The following KIF3A variants were observed in gnomAD, a reference collection of about 807,000 sequenced individuals.
KIF3A encodes kinesin family member 3A, also known as kinesin-like protein KIF3A.
Under a neutral mutation model 92.6 loss-of-function variants are expected in KIF3A, and 27 were observed. The observed-to-expected ratio is 0.29, with a 90% CI of 0.21 to 0.40. The LOEUF is 0.40. KIF3A is among the 10% of genes least tolerant of loss of function. KIF3A has a pLI of 1.00. For missense variants in KIF3A, 581 were observed against 872.6 expected, an observed-to-expected ratio of 0.67 and a Z score of 4.21; for synonymous variants, 250 against 275.4, an observed-to-expected ratio of 0.91 and a Z score of 0.92.
chr5:132,710,391 T>G (rs751397813), intron 9 of KIF3A, among the ~76,000 whole-genome samples: 1 of 152,078 alleles, frequency 6.6e-6, no homozygotes, highest in Non-Finnish European at 1.5e-5. Flanking sequence ...CCGAGGCAGA[T>G]GGATCATGAG....
intron 2 of KIF3A, among the ~76,000 whole-genome samples, chr5:132,730,368 A>C (rs747247791): frequency 6.6e-6 from 1 of 152,040 alleles, no homozygotes; most frequent in Non-Finnish European, 1.5e-5. Flanking sequence ...CAGGTGGCTG[A>C]GGCGAGAGAA....
chr5:132,698,611 T>C (rs1752917001), intron 18 of KIF3A, among the ~76,000 whole-genome samples: 1 of 152,160 alleles, frequency 6.6e-6, no homozygotes, highest in Non-Finnish European at 1.5e-5. Context: ...CATTATACAT[T>C]TGGAAATAAC....
At chr5:132,701,836 A>G (rs1031454794) in intron 15 of KIF3A, among the ~76,000 whole-genome samples, 5 of 152,068 alleles carry the variant, frequency 3.3e-5, no homozygotes, top group Non-Finnish European at 7.4e-5. Context: ...ATGGGCGCTG[A>G]ATGAAGGAAT....
chr5:132,695,780 C>A lies in KIF3A; in HGVS notation c.*854G>T, dbSNP rs1385201076. 3 of 152,184 alleles carry A rather than the reference C, an allele frequency of 2.0e-5. No individual in the cohort carries two copies. The highest frequency in any genetic ancestry group is 7.2e-5 in the African/African-American group (3 of 41,390). 9.4% of individuals were successfully genotyped at this position (152,184 alleles called of 1,614,324 possible). ...CTGGGAGACATAAAGTAATTCCCAC[C>A]AAAATTTAGAACTCAAAGAAAAGCA... On this transcript the variant is annotated 3_prime_UTR_variant, in exon 19 of 19. Transcript: ENST00000403231.
At chr5:132,698,841 G>A (rs1209949576) in intron 18 of KIF3A, among the ~76,000 whole-genome samples, 1 of 148,902 alleles carries the variant, frequency 6.7e-6, no homozygotes, top group East Asian at 2.0e-4. Context: ...GGGTTCAAGC[G>A]ATTCTCATGC....
intron 4 of KIF3A, chr5:132,723,831 G>T (rs1186220275): frequency 6.6e-6 from 1 of 152,142 alleles, no homozygotes; most frequent in Non-Finnish European, 1.5e-5. Context: ...CTTCTGCACA[G>T]CAAAAGAAAC....
intron 11 of KIF3A, among the ~76,000 whole-genome samples, chr5:132,705,244 A>G (rs1231887452): frequency 6.6e-6 from 1 of 152,020 alleles, no homozygotes; most frequent in African/African-American, 2.4e-5. Context: ...GGAGAAAAGT[A>G]TCAGTTCAGG....
rs1753075885 is a variant in KIF3A, at chr5:132,702,565, T to G, written c.1751A>C (p.Lys584Thr). The G allele has an allele frequency of 6.3e-7, 1 of 1,597,708 alleles. No individual in the cohort carries two copies. The highest frequency in any genetic ancestry group is 1.3e-5 in the African/African-American group (1 of 74,380). The part of the protein sequence containing the change: ...KKVWTMLMAA[K>T]SEMADLQQEH... ...ATTTCTAAGAGAACCAACCTCTGACTTTGCAGCCATCAGCATAGTCCAAAC... is the reference window on the plus strand; with the variant it reads ...ATTTCTAAGAGAACCAACCTCTGACGTTGCAGCCATCAGCATAGTCCAAAC... Residue 584 changes from lysine (K) to threonine (T), a missense_variant, in exon 14 of 19, where the codon AAG becomes ACG. Lys to Thr is a moderately conservative substitution (Grantham distance 78). Transcript: ENST00000403231.
At chr5:132,698,552 A>G (rs1752914758) in intron 18 of KIF3A, among the ~76,000 whole-genome samples, 1 of 152,178 alleles carries the variant, frequency 6.6e-6, no homozygotes. Flanking sequence ...CAGGCAAATT[A>G]ATTAGCATTT....
chr5:132,727,631 T>C (rs1266694372), intron 2 of KIF3A, among the ~76,000 whole-genome samples: 2 of 152,136 alleles, frequency 1.3e-5, no homozygotes, highest in Non-Finnish European at 2.9e-5. Context: ...CACAGTATAA[T>C]AAGGACGGTA....
rs892482856 is a variant in KIF3A, at chr5:132,702,247, C to A, written c.1759-35G>T. On this transcript the variant is annotated intron_variant, in intron 14 of 18. Coordinates refer to ENST00000403231, the MANE Select transcript of KIF3A (RefSeq NM_001300791.2). Reference sequence around the variant, plus strand: ...AATCCATAAAAATATTATGAACAAACAAGACTTTAACTACAAAACAGCACC... The same window carrying A: ...AATCCATAAAAATATTATGAACAAAAAAGACTTTAACTACAAAACAGCACC... 7 of 1,606,954 alleles carry A rather than the reference C, an allele frequency of 4.4e-6. No individual in the cohort carries two copies. In the African/African-American group the frequency reaches 6.7e-5, roughly 15 times the overall value.
At chr5:132,692,262 C>T (rs1752684453), downstream of KIF3A, among the ~76,000 whole-genome samples, 1 of 152,078 alleles carries the variant, frequency 6.6e-6, no homozygotes, top group African/African-American at 2.4e-5. Flanking sequence ...ACACTGGAGT[C>T]TACTTGAGGG....
At chr5:132,696,788 A>G (rs1752853831) in intron 18 of KIF3A, 106 bp from the exon 19 acceptor site, 2 of 803,372 alleles carry the variant, frequency 2.5e-6, no homozygotes, top group East Asian at 5.1e-5. Flanking sequence ...TAGTCTGGAA[A>G]CAAGCCAAAA....
chr5:132,713,664 G>A (rs924890339), intron 8 of KIF3A, among the ~76,000 whole-genome samples: 18 of 152,082 alleles, frequency 1.2e-4, no homozygotes, highest in Non-Finnish European at 2.1e-4. Context: ...ACAGGTATTA[G>A]TATACCCACG....
intron 16 of KIF3A, 130 bp from the exon 17 acceptor site, chr5:132,700,414 C>T: frequency 1.5e-6 from 1 of 684,736 alleles, no homozygotes; most frequent in East Asian, 2.7e-5. Context: ...GCAGAAAGGG[C>T]CCCAGAGGTC....
intron 4 of KIF3A, among the ~76,000 whole-genome samples, chr5:132,724,407 T>G (rs1231376643): frequency 6.6e-6 from 1 of 152,008 alleles, no homozygotes; most frequent in African/African-American, 2.4e-5. Context: ...TGTCCAACAA[T>G]GATAGACTGG....
chr5:132,690,820 G>A (rs1752644895), downstream of KIF3A, among the ~76,000 whole-genome samples: 1 of 147,124 alleles, frequency 6.8e-6, no homozygotes, highest in African/African-American at 2.7e-5. Context: ...CCAGCTACTC[G>A]GGAGGCTGAG....
intron 5 of KIF3A, among the ~76,000 whole-genome samples, chr5:132,719,009 GTTAT>G (rs1166501213): frequency 1.3e-5 from 2 of 152,148 alleles, no homozygotes; most frequent in Non-Finnish European, 1.5e-5. Flanking sequence ...TTTATTGAAG[GTTAT>G]TTAGATTGTT....
intron 13 of KIF3A, 53 bp from the exon 14 acceptor site, chr5:132,702,721 T>C (rs1753082730): frequency 2.2e-6 from 3 of 1,388,232 alleles, no homozygotes; most frequent in Admixed American, 1.8e-5. Flanking sequence ...AAATCAAATA[T>C]CTAATTCTTT....
Sources: gnomAD v4.1 joint callset for allele counts (sites outside exome capture counted in the v4.1 genomes callset) on GRCh38, gnomAD v4.1.1 for gene constraint, MANE v1.5 for transcripts, NCBI Gene and HGNC (gene_info 2026-07-23, HGNC 2026-07-21) for gene names.